Variants in CDH4 observed in about 807,000 individuals in gnomAD.
CDH4 encodes cadherin 4, also known as cadherin-4.
In CDH4, 33 loss-of-function variants were observed where a neutral mutation model predicts 86.0. That is an observed-to-expected ratio of 0.38 (90% confidence interval 0.29 to 0.51). CDH4 has a LOEUF of 0.51. CDH4 is among the 20% of genes least tolerant of loss of function. CDH4 has a pLI of 0.86. For missense variants in CDH4, 1,114 were observed against 1,307.4 expected (o/e 0.85, Z 2.28); for synonymous variants, 555 against 549.4 (o/e 1.01, Z -0.14).
In CDH4 at chr20:61,924,433, C is replaced by T. The variant is rs780721748; in HGVS notation, c.1728C>T (p.Thr576=). The stretch of plus-strand genomic sequence containing the variant: ...TGCTGGACCGTGAGTCCCTCTACAC[C>T]AAAAACAACGTCTACGAGGCCACCT... ...AAVLDRESLY[T]KNNVYEATFL... is the part of the protein sequence containing the mutation. The change falls in exon 11 of 16, where the codon ACC becomes ACT. Residue 576 remains threonine, a synonymous_variant. Coordinates refer to ENST00000614565, the MANE Select transcript of CDH4 (RefSeq NM_001794.5). The T allele has an allele frequency of 1.2e-6, 2 of 1,613,796 alleles. No homozygotes were observed. Among genetic ancestry groups the T allele is most frequent in the South Asian group, 2.2e-5 (2 of 91,074 alleles).
chr20:61,429,205 C>G (rs931825190), intron 2 of CDH4, among the ~76,000 whole-genome samples: 2 of 152,106 alleles, frequency 1.3e-5, no homozygotes, highest in East Asian at 3.9e-4. Context: ...TATAACCAAC[C>G]CTTGAGGTAG....
chr20:61,586,496 G>T (rs1289225014), intron 2 of CDH4, among the ~76,000 whole-genome samples: 2 of 152,322 alleles, frequency 1.3e-5, no homozygotes, highest in Middle Eastern at 6.8e-3. Flanking sequence ...GCCTGAGGGG[G>T]TGTTAAGGTA....
chr20:61,482,779 T>G (rs1246969383), intron 2 of CDH4, among the ~76,000 whole-genome samples: 1 of 152,186 alleles, frequency 6.6e-6, no homozygotes, highest in Non-Finnish European at 1.5e-5. Context: ...GTTGATGGAA[T>G]GACACTAAGC....
intron 2 of CDH4, among the ~76,000 whole-genome samples, chr20:61,455,367 C>T (rs1322602762): frequency 2.6e-5 from 4 of 152,292 alleles, no homozygotes; most frequent in Non-Finnish European, 4.4e-5. Flanking sequence ...GCTGGCAGTG[C>T]GAGTGCCTCA....
At position 61,623,730 on chromosome 20, in the gene CDH4, G is replaced by A. The variant is rs2145778120; in HGVS notation, c.170-119833G>A. Among the ~76,000 whole-genome samples the A allele has an allele frequency of 6.6e-6, 1 of 152,226 alleles. No individual in the cohort carries two copies. The highest frequency in any genetic ancestry group is 2.1e-4 in the South Asian group (1 of 4,816). ...GTTTTAGTGCATCACTGAGCGCAAA[G>A]TATTTTTGCAATCAGAAAATAAAAG... On this transcript the variant is annotated intron_variant, in intron 2 of 15. Transcript: ENST00000614565. The surrounding 1 kb of genome is among the most constrained non-coding windows in gnomAD (Gnocchi z 4.4).
intron 2 of CDH4, among the ~76,000 whole-genome samples, chr20:61,330,949 G>T (rs1302085213): frequency 6.6e-6 from 1 of 152,102 alleles, no homozygotes; most frequent in Non-Finnish European, 1.5e-5. Flanking sequence ...CTGGGAGAGG[G>T]TCTGTGAAAC....
At chr20:61,499,433 C>G in intron 2 of CDH4, 2 of 1,288,530 alleles carry the variant, frequency 1.6e-6, no homozygotes, top group Non-Finnish European at 2.0e-6. Flanking sequence ...AACAAGGATT[C>G]GATGAACGGC....
chr20:61,424,769 C>G (rs1022430978), intron 2 of CDH4, among the ~76,000 whole-genome samples: 1 of 152,248 alleles, frequency 6.6e-6, no homozygotes, highest in Non-Finnish European at 1.5e-5. Flanking sequence ...CATCCTGACA[C>G]AGGCCTCAGT....
intron 2 of CDH4, chr20:61,599,939 G>A (rs951782491): frequency 2.0e-6 from 2 of 985,624 alleles, no homozygotes; most frequent in East Asian, 2.3e-4. Flanking sequence ...CCACAGGGTA[G>A]AGGAACGGCC....
intron 2 of CDH4, among the ~76,000 whole-genome samples, chr20:61,383,821 G>GA (rs2084935475): frequency 1.2e-5 from 1 of 85,088 alleles, no homozygotes; most frequent in South Asian, 2.8e-4. Flanking sequence ...ATATATATGC[G>GA]TATATATGAA....
At chr20:61,620,815 A>G (rs1359403237) in intron 2 of CDH4, among the ~76,000 whole-genome samples, 2 of 152,290 alleles carry the variant, frequency 1.3e-5, no homozygotes, top group South Asian at 2.1e-4. Flanking sequence ...TAGAAAATGG[A>G]CACATTCTCC....
chr20:61,533,937 G>A (rs746119992), intron 2 of CDH4, among the ~76,000 whole-genome samples: 10 of 152,160 alleles, frequency 6.6e-5, no homozygotes, highest in Non-Finnish European at 1.5e-4. Context: ...AACTGTAGTT[G>A]GGAGGTGCTT....
At chr20:61,881,975 A>T (rs1201062671) in intron 7 of CDH4, among the ~76,000 whole-genome samples, 2 of 152,256 alleles carry the variant, frequency 1.3e-5, no homozygotes, top group Non-Finnish European at 2.9e-5. Context: ...ACCGAGGCAG[A>T]GACCAGACGA....
At chr20:61,465,489 G>T (rs1196625923) in intron 2 of CDH4, among the ~76,000 whole-genome samples, 1 of 152,054 alleles carries the variant, frequency 6.6e-6, no homozygotes, top group African/African-American at 2.4e-5. Flanking sequence ...TAAAAAGATT[G>T]TTCTTGGTGT....
intron 4 of CDH4, among the ~76,000 whole-genome samples, chr20:61,783,688 G>A (rs1978682056): frequency 7.2e-6 from 1 of 138,164 alleles, no homozygotes; most frequent in South Asian, 2.5e-4. Context: ...GCCCCCAAGA[G>A]AAATGTAATC....
intron 8 of CDH4, among the ~76,000 whole-genome samples, chr20:61,898,667 T>A (rs1985243173): frequency 6.6e-6 from 1 of 152,150 alleles, no homozygotes; most frequent in Non-Finnish European, 1.5e-5. Flanking sequence ...CCACCCTTGG[T>A]CCCTGCCTGC....
intron 4 of CDH4, among the ~76,000 whole-genome samples, chr20:61,839,435 G>A (rs1384845182): frequency 1.3e-5 from 2 of 151,490 alleles, no homozygotes; most frequent in Non-Finnish European, 2.9e-5. Context: ...TGATGTGTGT[G>A]TTTGTGTATT....
At chr20:61,307,566 G>C (rs2084424026) in intron 2 of CDH4, among the ~76,000 whole-genome samples, 1 of 152,254 alleles carries the variant, frequency 6.6e-6, no homozygotes, top group East Asian at 1.9e-4. Context: ...GAACCTAGCT[G>C]GGCAGGCTGG....
chr20:61,296,883 G>A (rs946273981), intron 2 of CDH4, among the ~76,000 whole-genome samples: 2 of 152,128 alleles, frequency 1.3e-5, no homozygotes, highest in Admixed American at 6.5e-5. Context: ...GGGTGGATGG[G>A]TAGGTGGGGG....
Sources: gnomAD v4.1 joint callset for allele counts (sites outside exome capture counted in the v4.1 genomes callset) on GRCh38, gnomAD v4.1.1 for gene constraint, Gnocchi (gnomAD v3.1) non-coding constraint, MANE v1.5 for transcripts, NCBI Gene and HGNC (gene_info 2026-07-23, HGNC 2026-07-21) for gene names.